The following ADAMTS2 variants were observed in gnomAD, a reference collection of about 807,000 sequenced individuals.
The protein encoded by ADAMTS2 is A disintegrin and metalloproteinase with thrombospondin motifs 2.
ADAMTS2 carries 50 observed loss-of-function variants against 123.0 expected under a neutral mutation model. That is an observed-to-expected ratio of 0.41 (90% confidence interval 0.32 to 0.51). The LOEUF is 0.51. Among genes scored for constraint, ADAMTS2 ranks in the 20% least tolerant of loss-of-function variants. ADAMTS2 has a pLI of 0.35. For synonymous variants in ADAMTS2, 678 were observed against 695.4 expected, an observed-to-expected ratio of 0.98 and a Z score of 0.39; for missense variants, 1,494 against 1,705.2, an observed-to-expected ratio of 0.88 and a Z score of 2.18.
At chr5:179,300,918 A>G (rs1756497432) in intron 2 of ADAMTS2, among the ~76,000 whole-genome samples, 2 of 152,180 alleles carry the variant, frequency 1.3e-5, no homozygotes, top group South Asian at 4.1e-4. Flanking sequence ...AAGAAAGCCA[A>G]TTAAAAGTCG....
chr5:179,341,559 A>C (rs1232636861), intron 2 of ADAMTS2, among the ~76,000 whole-genome samples: 1 of 151,924 alleles, frequency 6.6e-6, no homozygotes, highest in Non-Finnish European at 1.5e-5. Flanking sequence ...AAAAATAAAA[A>C]AAAATTAGCT....
At chr5:179,328,026 G>GTTTGT (rs1282899277) in intron 2 of ADAMTS2, among the ~76,000 whole-genome samples, 1 of 152,002 alleles carries the variant, frequency 6.6e-6, no homozygotes. Flanking sequence ...AGAGATTTAG[G>GTTTGT]TTTGTTTTGT....
At chr5:179,146,524 C>A (rs956430358) in intron 10 of ADAMTS2, among the ~76,000 whole-genome samples, 1 of 152,130 alleles carries the variant, frequency 6.6e-6, no homozygotes, top group African/African-American at 2.4e-5. Flanking sequence ...AGCTCCCTGG[C>A]GTCTTTGATG....
rs1355201849 is a variant in ADAMTS2 at position 179,181,188 on chromosome 5, A to G, written c.892-33T>C. ...AAACAGGGAGGCATCAGCGGGAACC[A>G]CAGGCCCTAGGACTGGCTCTGGCTC... On this transcript the variant is annotated intron_variant, in intron 4 of 21. Transcript: ENST00000251582. The surrounding 1 kb of genome is among the most constrained non-coding windows in gnomAD (Gnocchi z 4.1). 6.5e-7 allele frequency: 1 copy of G among 1,532,364 alleles called. No homozygotes were observed. Among genetic ancestry groups the G allele is most frequent in the South Asian group, 1.1e-5 (1 of 89,358 alleles). 94.9% of individuals were successfully genotyped at this position (1,532,364 alleles called of 1,614,324 possible). A position where few individuals can be genotyped will look rare whatever the true frequency, so the allele number is the denominator to read the frequency against.
chr5:179,171,621 T>C (rs1473670173), intron 5 of ADAMTS2, among the ~76,000 whole-genome samples: 1 of 152,110 alleles, frequency 6.6e-6, no homozygotes, highest in African/African-American at 2.4e-5. Flanking sequence ...GCGGACCCCA[T>C]GGGCACTGGC....
chr5:179,326,225 T>TGA (rs1391978774), intron 2 of ADAMTS2, among the ~76,000 whole-genome samples: 8 of 151,854 alleles, frequency 5.3e-5, no homozygotes, highest in African/African-American at 1.9e-4. Context: ...TGTGTGTGTG[T>TGA]GTGTGTCCAC....
intron 3 of ADAMTS2, among the ~76,000 whole-genome samples, chr5:179,229,288 G>A (rs1029704578): frequency 6.7e-6 from 1 of 149,996 alleles, no homozygotes; most frequent in Non-Finnish European, 1.5e-5. Context: ...TCCCGACGGA[G>A]AGGTAATTCC....
At chr5:179,187,612 C>A in intron 4 of ADAMTS2, among the ~76,000 whole-genome samples, 1 of 152,170 alleles carries the variant, frequency 6.6e-6, no homozygotes, top group East Asian at 1.9e-4. Context: ...CCCCAGCAGC[C>A]CTGGGGGCCT....
At chr5:179,172,243 G>A (rs1292310844) in intron 5 of ADAMTS2, among the ~76,000 whole-genome samples, 3 of 152,286 alleles carry the variant, frequency 2.0e-5, no homozygotes, top group South Asian at 2.1e-4. Context: ...GCACCCCCAG[G>A]GCCTGCACAT....
chr5:179,268,567 A>C (rs951286785), intron 3 of ADAMTS2, among the ~76,000 whole-genome samples: 11 of 152,214 alleles, frequency 7.2e-5, no homozygotes, highest in Admixed American at 6.5e-5. Flanking sequence ...ACAGGCCCTC[A>C]GTGTCAGCAC....
At chr5:179,148,966 T>TG (rs11391520) in intron 10 of ADAMTS2, among the ~76,000 whole-genome samples, 152,098 of 152,098 alleles carry the variant, frequency 1, 76,049 homozygotes, top group Non-Finnish European at 1. Flanking sequence ...ATCTCTTTCC[T>TG]GGCACCATTA....
At chr5:179,144,104 T>A (rs928082217) in intron 10 of ADAMTS2, among the ~76,000 whole-genome samples, 1 of 151,976 alleles carries the variant, frequency 6.6e-6, no homozygotes, top group East Asian at 1.9e-4. Flanking sequence ...AAGACCAATA[T>A]ACAAAAAAAT....
At chr5:179,217,422 G>T (rs973596688) in intron 3 of ADAMTS2, among the ~76,000 whole-genome samples, 1 of 152,238 alleles carries the variant, frequency 6.6e-6, no homozygotes, top group Non-Finnish European at 1.5e-5. Flanking sequence ...AAGAGAGCAG[G>T]CTGGGGAGAT....
intron 5 of ADAMTS2, among the ~76,000 whole-genome samples, chr5:179,159,938 G>A (rs1404190619): frequency 6.6e-6 from 1 of 152,136 alleles, no homozygotes; most frequent in Non-Finnish European, 1.5e-5. Flanking sequence ...CCTCACAGCA[G>A]GCATTTTGGT....
At chr5:179,290,134 T>C (rs1324142242) in intron 2 of ADAMTS2, among the ~76,000 whole-genome samples, 2 of 152,140 alleles carry the variant, frequency 1.3e-5, no homozygotes, top group Non-Finnish European at 2.9e-5. Context: ...TGTTGGAAGG[T>C]GGGGCCTGGG....
At chr5:179,343,516 G>A (rs1757841226) in intron 2 of ADAMTS2, among the ~76,000 whole-genome samples, 1 of 152,206 alleles carries the variant, frequency 6.6e-6, no homozygotes, top group African/African-American at 2.4e-5. Flanking sequence ...AGAGGCGCAC[G>A]CTCCTGCCTG....
chr5:179,114,380 C>T lies in ADAMTS2; in HGVS notation c.3179-56G>A, dbSNP rs770564733. ...AGGACAAGATAAGGGGGACTTTGTT[C>T]CCCCACAGGGTGCAGCTTGCTGGAG... On this transcript the variant is annotated intron_variant, in intron 21 of 21. Transcript: ENST00000251582. 18 of 1,545,326 alleles carry T rather than the reference C, an allele frequency of 1.2e-5. 1 individual carries two copies. The Admixed American group carries it at 1.7e-4, about 14-fold the overall frequency.
At chr5:179,196,251 T>TAA (rs11453035) in intron 4 of ADAMTS2, among the ~76,000 whole-genome samples, 5 of 152,008 alleles carry the variant, frequency 3.3e-5, no homozygotes, top group African/African-American at 1.2e-4. Flanking sequence ...AATCATTCAT[T>TAA]CAAAAAAAAC....
In ADAMTS2 at chr5:179,198,834, A is replaced by C. The variant is rs556541962; in HGVS notation, c.891+8679T>G. ...GGGCGACAGAGCAAGACTCTATCTC[A>C]AGGAAAAAAAAAAAAAAACAAAACT... On this transcript the variant is annotated intron_variant, in intron 4 of 21. Coordinates refer to ENST00000251582, the MANE Select transcript of ADAMTS2 (RefSeq NM_014244.5). Among the ~76,000 whole-genome samples, 3 of 150,680 alleles carry C rather than the reference A, an allele frequency of 2.0e-5. No individual in the cohort carries two copies. The East Asian group carries it at 5.8e-4, about 29-fold the overall frequency.
Sources: gnomAD v4.1 joint callset for allele counts (sites outside exome capture counted in the v4.1 genomes callset) on GRCh38, gnomAD v4.1.1 for gene constraint, Gnocchi (gnomAD v3.1) non-coding constraint, MANE v1.5 for transcripts, NCBI Gene and HGNC (gene_info 2026-07-23, HGNC 2026-07-21) for gene names.